RIMBP2: variants seen among roughly 807,000 people sequenced by gnomAD.
RIMBP2 encodes RIMS-binding protein 2.
A neutral mutation model predicts 118.6 loss-of-function variants in RIMBP2; 48 were observed. That is an observed-to-expected ratio of 0.40 (90% CI 0.32 to 0.51). The LOEUF is 0.51. Among genes scored for constraint, RIMBP2 ranks in the 20% least tolerant of loss-of-function variants. The pLI is 0.41. For missense variants in RIMBP2, 1,551 were observed against 1,768.3 expected (o/e 0.88, Z 2.20); for synonymous variants, 762 against 742.9 (o/e 1.03, Z -0.42).
At chr12:130,499,297 T>C (rs1379586964) in intron 4 of RIMBP2, among the ~76,000 whole-genome samples, 2 of 152,208 alleles carry the variant, frequency 1.3e-5, no homozygotes, top group African/African-American at 4.8e-5. Context: ...CCAAACCATA[T>C]CAGGGTGCTT....
At chr12:130,415,705 T>C (rs1216275537) in intron 17 of RIMBP2, among the ~76,000 whole-genome samples, 1 of 150,978 alleles carries the variant, frequency 6.6e-6, no homozygotes, top group African/African-American at 2.4e-5. Flanking sequence ...AAATAAGAAG[T>C]CAAATTATCT....
rs776785336 is a variant in RIMBP2 at position 130,431,558 on chromosome 12, TTATTA to T, written c.2253+3171_2253+3175del. On this transcript the variant is annotated intron_variant, in intron 14 of 22. Coordinates refer to ENST00000690449, the MANE Select transcript of RIMBP2 (RefSeq NM_001393629.1). This position sits in a 1 kb window ranked among gnomAD's most constrained non-coding sequence, Gnocchi z 4.0. ...TAAGTATCACTTATTTTATGTTATA[TTATTA>T]TATTATTAACAATATATATTAACAA... The T allele has an allele frequency of 2.1e-4, 43 of 204,796 alleles. No individual in the cohort carries two copies. Among genetic ancestry groups the T allele is most frequent in the Non-Finnish European group, 2.8e-4 (28 of 99,920 alleles). 12.7% of individuals were successfully genotyped at this position (204,796 alleles called of 1,614,324 possible).
chr12:130,584,797 C>CACAACCATTACATCCTCATCACT (rs1555299616), intron 2 of RIMBP2, among the ~76,000 whole-genome samples: 1 of 152,218 alleles, frequency 6.6e-6, no homozygotes. Context: ...CCATCACTAT[C>CACAACCATTACATCCTCATCACT]ACCATCATCT....
chr12:130,698,736 T>C (rs2065691947), intron 1 of RIMBP2, among the ~76,000 whole-genome samples: 1 of 151,950 alleles, frequency 6.6e-6, no homozygotes, highest in African/African-American at 2.4e-5. Context: ...AAATGGGATC[T>C]AATTAAACTA....
rs2078927140 is a variant in RIMBP2, at chr12:130,450,670, C to T, written c.505-394G>A. On this transcript the variant is annotated intron_variant, in intron 8 of 22. Transcript: ENST00000690449. The surrounding 1 kb of genome is among the most constrained non-coding windows in gnomAD (Gnocchi z 4.8). ...GATCCCACTCTCACTCCCCCTAGTG[C>T]ATTCCCCACACAAGCTGGAACAGTC... Among the ~76,000 whole-genome samples, 2 of 149,120 alleles carry T rather than the reference C, an allele frequency of 1.3e-5. No homozygotes were observed. Among genetic ancestry groups the T allele is most frequent in the South Asian group, 4.5e-4 (2 of 4,476 alleles).
At chr12:130,418,222 C>T (rs1328346264) in intron 17 of RIMBP2, among the ~76,000 whole-genome samples, 1 of 152,120 alleles carries the variant, frequency 6.6e-6, no homozygotes, top group Non-Finnish European at 1.5e-5. Flanking sequence ...TTTTTGAATG[C>T]CTAATCTAAA....
chr12:130,459,776 G>A lies in RIMBP2; in HGVS notation c.154-3076C>T, dbSNP rs74725425. Among the ~76,000 whole-genome samples the A allele has an allele frequency of 5.1e-3, 770 of 152,094 alleles. 9 individuals carry two copies. The highest frequency in any genetic ancestry group is 0.018 in the African/African-American group (730 of 41,524). On this transcript the variant is annotated intron_variant, in intron 6 of 22. Transcript: ENST00000690449. ...GTTCCATGGGACTCCCAGAAATGAC[G>A]GGGGGTGGGGGGCCAAGGACGAGGG... is the stretch of plus-strand genomic sequence containing the variant.
At chr12:130,515,346 T>C (rs1406737656) in intron 3 of RIMBP2, among the ~76,000 whole-genome samples, 1 of 152,120 alleles carries the variant, frequency 6.6e-6, no homozygotes, top group African/African-American at 2.4e-5. Flanking sequence ...CAACTGAAAC[T>C]CTGTCTTCAT....
chr12:130,526,392 A>G (rs1013898165), intron 2 of RIMBP2, among the ~76,000 whole-genome samples: 5 of 152,324 alleles, frequency 3.3e-5, no homozygotes, highest in African/African-American at 9.6e-5. Flanking sequence ...GATGACTTCT[A>G]CAGGCTCAGG....
At chr12:130,694,222 G>A (rs2065468168) in intron 1 of RIMBP2, among the ~76,000 whole-genome samples, 1 of 152,178 alleles carries the variant, frequency 6.6e-6, no homozygotes, top group Non-Finnish European at 1.5e-5. Context: ...CCTCCTTGGA[G>A]GAGGAGTCAC....
intron 2 of RIMBP2, among the ~76,000 whole-genome samples, chr12:130,591,222 A>G (rs915874241): frequency 6.6e-6 from 1 of 152,190 alleles, no homozygotes; most frequent in Admixed American, 6.5e-5. Context: ...GACCCAGCAC[A>G]TGGCTGGAAC....
chr12:130,696,669 A>G (rs980027443), intron 1 of RIMBP2, among the ~76,000 whole-genome samples: 4 of 152,254 alleles, frequency 2.6e-5, no homozygotes, highest in African/African-American at 9.6e-5. Context: ...AGAATTAGAA[A>G]TATCAAGTCC....
rs1398956282 is a variant in RIMBP2 at position 130,434,752 on chromosome 12, G to A, written c.2235C>T (p.Gly745=). 7 of 1,613,176 alleles carry A rather than the reference G, an allele frequency of 4.3e-6. No homozygotes were observed. Among genetic ancestry groups the A allele is most frequent in the Non-Finnish European group, 5.9e-6 (7 of 1,179,936 alleles). ...CTCTCACCTGCTTGCCAAGTTCAGA[G>A]CCTTTCAGGAAGTCGTCCACCGAGG... ...RGASVDDFLK[G]SELGKQPHCC... Residue 745 remains glycine, a synonymous_variant, in exon 14 of 23, where the codon GGC becomes GGT. Coordinates refer to ENST00000690449, the MANE Select transcript of RIMBP2 (RefSeq NM_001393629.1). The surrounding 1 kb of genome is among the most constrained non-coding windows in gnomAD (Gnocchi z 5.7).
At chr12:130,445,578 C>T (rs1245366559) in intron 9 of RIMBP2, among the ~76,000 whole-genome samples, 2 of 152,212 alleles carry the variant, frequency 1.3e-5, no homozygotes, top group Non-Finnish European at 2.9e-5. Context: ...TGTAACTATA[C>T]ATCTCCAAAT....
chr12:130,539,207 ATTACT>A (rs2054342443), intron 2 of RIMBP2, among the ~76,000 whole-genome samples: 2 of 152,222 alleles, frequency 1.3e-5, no homozygotes, highest in African/African-American at 4.8e-5. Context: ...TAATGTTTAT[ATTACT>A]TGTTTCCTTA....
intron 1 of RIMBP2, among the ~76,000 whole-genome samples, chr12:130,673,688 G>C (rs574468182): frequency 5.4e-4 from 83 of 152,344 alleles, no homozygotes; most frequent in African/African-American, 1.9e-3. Flanking sequence ...CCAAATCTGA[G>C]GTCAAATTGT....
At chr12:130,457,208 C>A (rs964713727) in intron 6 of RIMBP2, among the ~76,000 whole-genome samples, 1 of 152,230 alleles carries the variant, frequency 6.6e-6, no homozygotes, top group Non-Finnish European at 1.5e-5. Flanking sequence ...ATCCAGGGCG[C>A]CCGCCCCCTC....
intron 1 of RIMBP2, among the ~76,000 whole-genome samples, chr12:130,684,045 G>T (rs571833427): frequency 5.2e-4 from 79 of 152,116 alleles, no homozygotes; most frequent in East Asian, 2.3e-3. Context: ...AGTCTGATAA[G>T]AAACATTTAC....
At chr12:130,698,986 A>G (rs1287417121) in intron 1 of RIMBP2, among the ~76,000 whole-genome samples, 7 of 152,212 alleles carry the variant, frequency 4.6e-5, no homozygotes, top group Non-Finnish European at 8.8e-5. Context: ...AAAAATGCTC[A>G]TCATCACTGG....
Sources: gnomAD v4.1 joint callset for allele counts (sites outside exome capture counted in the v4.1 genomes callset) on GRCh38, gnomAD v4.1.1 for gene constraint, Gnocchi (gnomAD v3.1) non-coding constraint, MANE v1.5 for transcripts, NCBI Gene and HGNC (gene_info 2026-07-23, HGNC 2026-07-21) for gene names.